Variants in FAM234A observed in about 807,000 individuals in gnomAD.
FAM234A encodes the protein protein FAM234A.
FAM234A carries 42 observed loss-of-function variants against 49.1 expected under a neutral mutation model. That is an observed-to-expected ratio of 0.86 (90% CI 0.67 to 1.11). The LOEUF (loss-of-function observed/expected upper bound fraction) is 1.11. Ranked by LOEUF, FAM234A falls within the 50% of genes least tolerant of loss-of-function variation. The probability of loss-of-function intolerance (pLI) is 0.00; values close to 1 mark genes in which losing one functional copy is unlikely to be tolerated. For synonymous variants in FAM234A, 369 were observed against 316.2 expected, an observed-to-expected ratio of 1.17 and a Z score of -1.77; for missense variants, 815 against 745.2, an observed-to-expected ratio of 1.09 and a Z score of -1.09.
Position 265,224 on chromosome 16 carries a change from T to A in FAM234A, c.*202T>A. On this transcript the variant is annotated 3_prime_UTR_variant, in exon 13 of 13. Coordinates refer to ENST00000399932, the MANE Select transcript of FAM234A (RefSeq NM_032039.4). ...GGTGAGGGGACACCCTGGGCCTCTC[T>A]CCCGCCCAGCATCCTCCCTGAGTCC... 7.2e-7 allele frequency: 1 copy of A among 1,387,876 alleles called. No homozygotes were observed. Among genetic ancestry groups the A allele is most frequent in the Non-Finnish European group, 9.3e-7 (1 of 1,074,292 alleles). 86.0% of individuals were successfully genotyped at this position (1,387,876 alleles called of 1,614,324 possible).
intron 1 of FAM234A, among the ~76,000 whole-genome samples, chr16:241,857 G>T (rs905622398): frequency 1.4e-5 from 2 of 143,588 alleles, no homozygotes; most frequent in Admixed American, 1.5e-4. Context: ...AGTGAGCCAA[G>T]ATTGCACCAC....
intron 11 of FAM234A, 46 bp from the exon 12 acceptor site, chr16:264,568 A>C: frequency 7.9e-7 from 1 of 1,263,954 alleles, no homozygotes; most frequent in Non-Finnish European, 1.1e-6. Context: ...GTCCTGTGGG[A>C]GTGCTCAGTG....
In FAM234A at chr16:265,539, A is replaced by G. The variant is rs1487751696; in HGVS notation, c.*517A>G. 2 of 985,996 alleles carry G rather than the reference A, an allele frequency of 2.0e-6. No homozygotes were observed. The highest frequency in any genetic ancestry group is 3.5e-5 in the African/African-American group (2 of 57,226). The allele number at this position is 985,996 out of a possible 1,614,324, so 61.1% of individuals were successfully genotyped here. A position where few individuals can be genotyped will look rare whatever the true frequency, so the allele number is the denominator to read the frequency against. On this transcript the variant is annotated 3_prime_UTR_variant, in exon 13 of 13. Transcript: ENST00000399932. Reference sequence around the variant, plus strand: ...ATGGAACTCAGGGTACTGGGCCTCAACGGGAACCTGAGACAGCTCCAGCTT... The same window carrying G: ...ATGGAACTCAGGGTACTGGGCCTCAGCGGGAACCTGAGACAGCTCCAGCTT...
rs890245124 is a variant in FAM234A, at chr16:243,131, C to G, written c.-139-6418C>G. ...AGGTAGCTGGGACTACAAGCACATG[C>G]CACTACACCTAATTTTATTTTACTT... is the stretch of plus-strand genomic sequence containing the variant. On this transcript the variant is annotated intron_variant, in intron 1 of 12. Transcript: ENST00000399932. Among the ~76,000 whole-genome samples, 3 of 152,064 alleles carry G rather than the reference C, an allele frequency of 2.0e-5. No individual in the cohort carries two copies. The East Asian group carries it at 5.8e-4, about 29-fold the overall frequency.
intron 6 of FAM234A, among the ~76,000 whole-genome samples, chr16:261,836 G>A (rs372150860): frequency 2.0e-5 from 3 of 152,226 alleles, no homozygotes; most frequent in Admixed American, 6.5e-5. Context: ...CATGTGCCCC[G>A]TGCAGTGTGG....
At chr16:268,538 G>A, downstream of FAM234A, 2 of 581,808 alleles carry the variant, frequency 3.4e-6, no homozygotes, top group Admixed American at 3.0e-5. Flanking sequence ...GGGCAGGGAG[G>A]ATCAGGGACG....
At position 262,470 on chromosome 16, in the gene FAM234A, G is replaced by A. The variant is rs1036150195; in HGVS notation, c.888G>A (p.Val296=). ...GCSVKGLYEK[V]TGSGGPFKSD... ...CTGTGAAGGGTCTCTACGAGAAGGTGACCGGGAGCGGCGGCCCGTTCAAGA... is the reference window on the plus strand; with the variant it reads ...CTGTGAAGGGTCTCTACGAGAAGGTAACCGGGAGCGGCGGCCCGTTCAAGA... Residue 296 remains valine (V), a synonymous_variant, in exon 8 of 13, where the codon GTG becomes GTA. Coordinates refer to ENST00000399932, the MANE Select transcript of FAM234A (RefSeq NM_032039.4). 2 of 1,612,230 alleles carry A rather than the reference G, an allele frequency of 1.2e-6. No homozygotes were observed. Among genetic ancestry groups the A allele is most frequent in the African/African-American group, 1.3e-5 (1 of 74,892 alleles).
rs575820388 is a variant in FAM234A, at chr16:260,269, A to G, written c.577+109A>G. The stretch of plus-strand genomic sequence containing the variant: ...GACGAGGCTCAGCCCTGTGATCTTG[A>G]GGGTGGCTGGATGGGAAGGAAGGTT... On this transcript the variant is annotated intron_variant, in intron 5 of 12. Transcript: ENST00000399932. 9.7e-5 allele frequency: 102 copies of G among 1,052,978 alleles called. 3 individuals carry two copies. In the South Asian group the frequency reaches 1.4e-3, roughly 15 times the overall value. 65.2% of individuals were successfully genotyped at this position (1,052,978 alleles called of 1,614,324 possible).
At position 266,019 on chromosome 16, in the gene FAM234A, G is replaced by A; in HGVS notation, c.*997G>A. The A allele has an allele frequency of 1.0e-6, 1 of 986,014 alleles. No homozygotes were observed. The highest frequency in any genetic ancestry group is 1.2e-6 in the Non-Finnish European group (1 of 830,058). 61.1% of individuals were successfully genotyped at this position (986,014 alleles called of 1,614,324 possible). ...GGGCCGCCCAGGTCACAGAGCCTGA[G>A]CTTCGTAGCCAAAGCAGCCTGATGA... On this transcript the variant is annotated 3_prime_UTR_variant, in exon 13 of 13. Transcript: ENST00000399932.
At chr16:269,399 C>T (rs916194), downstream of FAM234A, 8 of 1,592,254 alleles carry the variant, frequency 5.0e-6, no homozygotes, top group South Asian at 2.2e-5. Context: ...GGCGAGAAGG[C>T]GGCTGAGAAC....
rs57794544 is a variant in FAM234A at position 245,793 on chromosome 16, A to G, written c.-139-3756A>G. ...GGGTTAGACATTTCATAATATATTT[A>G]GTTCATCAGTGTTTTTCTTAATGAT... On this transcript the variant is annotated intron_variant, in intron 1 of 12. Coordinates refer to ENST00000399932, the MANE Select transcript of FAM234A (RefSeq NM_032039.4). 5.1e-3 allele frequency among the ~76,000 whole-genome samples: 772 copies of G among 152,308 alleles called. 40 individuals are homozygous for G. The East Asian group carries it at 0.11, about 22-fold the overall frequency.
At chr16:253,706 C>A (rs1476648964) in intron 2 of FAM234A, 1 of 152,332 alleles carries the variant, frequency 6.6e-6, no homozygotes, top group Non-Finnish European at 1.5e-5. Context: ...GATCTCCTGA[C>A]CTCGTGATCC....
chr16:261,663 C>T (rs1018445851), intron 6 of FAM234A, 149 bp downstream of exon 6: 2 of 965,628 alleles, frequency 2.1e-6, no homozygotes, highest in Non-Finnish European at 3.0e-6. Context: ...TCCCAACTCC[C>T]ATAGACCCAG....
At position 254,530 on chromosome 16, in the gene FAM234A, T is replaced by C. The variant is rs757783773; in HGVS notation, c.117T>C (p.Pro39=). The C allele has an allele frequency of 1.9e-6, 3 of 1,613,878 alleles. No homozygotes were observed. The African/African-American group carries it at 4.0e-5, about 22-fold the overall frequency. ...ATGAGGATAACGTGAAAAGCGCGCCTCCACAGTCCCGGCTCTCCCGGTGCC... is the reference window on the plus strand; with the variant it reads ...ATGAGGATAACGTGAAAAGCGCGCCCCCACAGTCCCGGCTCTCCCGGTGCC... ...SKNEDNVKSA[P]PQSRLSRCRA... The change falls in exon 3 of 13, where the codon CCT becomes CCC. Residue 39 remains proline, a synonymous_variant. Coordinates refer to ENST00000399932, the MANE Select transcript of FAM234A (RefSeq NM_032039.4).
intron 2 of FAM234A, chr16:254,173 C>T (rs1197425794): frequency 1.7e-5 from 9 of 541,990 alleles, no homozygotes; most frequent in South Asian, 1.5e-4. Flanking sequence ...AGCTAACTCG[C>T]CTTTCCACAC....
intron 3 of FAM234A, among the ~76,000 whole-genome samples, chr16:254,889 C>G (rs2051171112): frequency 6.6e-6 from 1 of 152,222 alleles, no homozygotes; most frequent in Non-Finnish European, 1.5e-5. Context: ...GAGTTTCGCT[C>G]TTGTTGCCCA....
downstream of FAM234A, chr16:269,176 A>G: frequency 1.9e-6 from 2 of 1,038,786 alleles, no homozygotes; most frequent in Non-Finnish European, 2.9e-6. Context: ...TGGGTTCAGC[A>G]GCCCCCAGGA....
At chr16:242,244 T>A (rs935895395) in intron 1 of FAM234A, among the ~76,000 whole-genome samples, 1 of 152,172 alleles carries the variant, frequency 6.6e-6, no homozygotes, top group African/African-American at 2.4e-5. Flanking sequence ...AGACAGAGTC[T>A]TGGTCTATCA....
At chr16:235,636 G>A (rs1030607310) in intron 1 of FAM234A, among the ~76,000 whole-genome samples, 2 of 152,130 alleles carry the variant, frequency 1.3e-5, no homozygotes, top group Non-Finnish European at 2.9e-5. Context: ...CTGGCTGCCG[G>A]TGTCTTTACG....
Sources: gnomAD v4.1 joint callset for allele counts (sites outside exome capture counted in the v4.1 genomes callset) on GRCh38, gnomAD v4.1.1 for gene constraint, MANE v1.5 for transcripts, NCBI Gene and HGNC (gene_info 2026-07-23, HGNC 2026-07-21) for gene names.